The following ZNF33A variants were observed in gnomAD, a reference collection of about 807,000 sequenced individuals.
The protein encoded by ZNF33A is zinc finger protein 33A, also known as brain my041 protein.
Under a neutral mutation model 15.9 loss-of-function variants are expected in ZNF33A, and 9 were observed. That is an observed-to-expected ratio of 0.57 (90% confidence interval 0.34 to 0.99). The LOEUF (loss-of-function observed/expected upper bound fraction) is 0.99, where lower values mean the gene tolerates loss of function less well. Among genes scored for constraint, ZNF33A ranks in the 50% least tolerant of loss-of-function variants. The pLI, the probability that ZNF33A is intolerant of heterozygous loss-of-function variation, is 0.02. For missense variants in ZNF33A, 843 were observed against 941.6 expected (o/e 0.90, Z 1.37); for synonymous variants, 294 against 324.2 (o/e 0.91, Z 1.00).
intron 4 of ZNF33A, among the ~76,000 whole-genome samples, chr10:38,020,513 T>C (rs919844131): frequency 2.1e-4 from 32 of 152,094 alleles, no homozygotes; most frequent in African/African-American, 7.0e-4. Context: ...CCCCACTACC[T>C]TTCCCAGTCT....
At chr10:38,052,166 A>G (rs1165386653) in intron 4 of ZNF33A, among the ~76,000 whole-genome samples, 1 of 152,156 alleles carries the variant, frequency 6.6e-6, no homozygotes, top group Non-Finnish European at 1.5e-5. Flanking sequence ...AAAGAAGTAG[A>G]AATGTCTTTA....
At chr10:38,061,046 T>G (rs1483408850), downstream of ZNF33A, among the ~76,000 whole-genome samples, 1 of 152,170 alleles carries the variant, frequency 6.6e-6, no homozygotes, top group Non-Finnish European at 1.5e-5. Flanking sequence ...AGTGACGAAC[T>G]GATCAGCATT....
At position 38,047,624 on chromosome 10, in the gene ZNF33A, C is replaced by CAAA. The variant is rs554054575; in HGVS notation, c.251-6713_251-6711dup. Among the ~76,000 whole-genome samples, 22 of 75,008 alleles carry CAAA rather than the reference C, an allele frequency of 2.9e-4. 1 individual carries two copies. Among genetic ancestry groups the CAAA allele is most frequent in the Admixed American group, 7.1e-4 (4 of 5,648 alleles). 49.2% of individuals were successfully genotyped at this position (75,008 alleles called of 152,430 possible). A position where few individuals can be genotyped will look rare whatever the true frequency, so the allele number is the denominator to read the frequency against. On this transcript the variant is annotated intron_variant, in intron 4 of 4. Transcript: ENST00000432900. ...CTGGCGATAGAGCAAGACTCTGTCT[C>CAAA]AAAAAAAAAAAAAAAAAAAAAAAAA...
intron 2 of ZNF33A, chr10:38,015,856 A>G (rs1166535639): frequency 6.3e-6 from 3 of 474,336 alleles, no homozygotes; most frequent in South Asian, 2.3e-4. Flanking sequence ...GTTTATGTAA[A>G]TGTTGTTTTG....
intron 3 of ZNF33A, 86 bp from the exon 4 acceptor site, chr10:38,017,205 G>A (rs778090211): frequency 2.4e-5 from 35 of 1,431,816 alleles, no homozygotes; most frequent in East Asian, 1.4e-4. Context: ...CTGGCAACTC[G>A]AAGCAGCCCC....
chr10:38,040,565 C>T (rs1250970968), intron 4 of ZNF33A, among the ~76,000 whole-genome samples: 1 of 151,988 alleles, frequency 6.6e-6, no homozygotes, highest in Non-Finnish European at 1.5e-5. Flanking sequence ...CCCTCTTTAT[C>T]CTTAGTAAAA....
chr10:38,016,119 A>C, intron 2 of ZNF33A: 12 of 796,592 alleles, frequency 1.5e-5, no homozygotes, highest in Non-Finnish European at 1.9e-5. Context: ...TTAAAGGATT[A>C]GAACCCAGAA....
downstream of ZNF33A, among the ~76,000 whole-genome samples, chr10:38,061,442 T>C (rs1175584535): frequency 6.6e-6 from 1 of 152,178 alleles, no homozygotes; most frequent in Non-Finnish European, 1.5e-5. Flanking sequence ...GTAACTCTCC[T>C]GCCCTCCCAA....
downstream of ZNF33A, among the ~76,000 whole-genome samples, chr10:38,067,115 C>G (rs1327590673): frequency 2.0e-5 from 3 of 152,124 alleles, no homozygotes; most frequent in East Asian, 5.8e-4. Flanking sequence ...CCTATATTCT[C>G]TAGAGCATGC....
intron 4 of ZNF33A, among the ~76,000 whole-genome samples, chr10:38,032,049 A>G (rs1000965411): frequency 6.6e-6 from 1 of 152,160 alleles, no homozygotes; most frequent in Non-Finnish European, 1.5e-5. Context: ...TTTCTATATG[A>G]GAGATGCTGG....
intron 4 of ZNF33A, among the ~76,000 whole-genome samples, chr10:38,028,918 C>T (rs769018117): frequency 2.3e-4 from 35 of 152,144 alleles, no homozygotes; most frequent in Non-Finnish European, 3.2e-4. Context: ...TTAATTCCCT[C>T]GTAACTTCAA....
chr10:38,012,252 G>A, intron 1 of ZNF33A, 46 bp from the exon 2 acceptor site: 4 of 1,595,526 alleles, frequency 2.5e-6, no homozygotes, highest in Non-Finnish European at 2.6e-6. Flanking sequence ...GGAGTTGCCA[G>A]GCAGGCCAAA....
Position 38,055,608 on chromosome 10 carries a change from A to G in ZNF33A, c.1484A>G (p.Lys495Arg). ...CATCAGAGAATTCACATAGGAGATAAATCTTATGAATGTAATGCATGTGGG... is the reference window on the plus strand; with the variant it reads ...CATCAGAGAATTCACATAGGAGATAGATCTTATGAATGTAATGCATGTGGG... ...TQHQRIHIGD[K>R]SYECNACGKT... Residue 495 changes from lysine (K) to arginine (R), a missense_variant, in exon 5 of 5, where the codon AAA (lysine) becomes AGA (arginine). Physicochemically the swap from Lys to Arg is conservative, Grantham distance 26. Coordinates refer to ENST00000432900, the MANE Select transcript of ZNF33A (RefSeq NM_006954.2). 1 of 1,614,110 alleles carries G rather than the reference A, an allele frequency of 6.2e-7. No individual in the cohort carries two copies. Among genetic ancestry groups the G allele is most frequent in the Non-Finnish European group, 8.5e-7 (1 of 1,180,002 alleles).
In ZNF33A at chr10:38,056,084, G is replaced by A. The variant is rs202087019; in HGVS notation, c.1960G>A (p.Val654Ile). Residue 654 changes from valine (V) to isoleucine (I), a missense_variant, in exon 5 of 5, where the codon GTA becomes ATA. Coordinates refer to ENST00000432900, the MANE Select transcript of ZNF33A (RefSeq NM_006954.2). ...KAFCHKSALI[V>I]HQRTHTQEKP... ...TTTCTGCCATAAGTCAGCTCTAATT[G>A]TACATCAGAGAACCCATACACAAGA... 6.2e-7 allele frequency: 1 copy of A among 1,613,934 alleles called. No homozygotes were observed. Among genetic ancestry groups the A allele is most frequent in the African/African-American group, 1.3e-5 (1 of 74,956 alleles).
chr10:38,052,314 T>C (rs1358905431), intron 4 of ZNF33A, among the ~76,000 whole-genome samples: 3 of 152,202 alleles, frequency 2.0e-5, no homozygotes, highest in Non-Finnish European at 4.4e-5. Context: ...TTTACTTCTA[T>C]ATATTAGCAA....
Position 38,057,658 on chromosome 10 carries a change from A to C in ZNF33A, c.*1098A>C. On this transcript the variant is annotated 3_prime_UTR_variant, in exon 5 of 5. Coordinates refer to ENST00000432900, the MANE Select transcript of ZNF33A (RefSeq NM_006954.2). Reference sequence around the variant, plus strand: ...TATCTAAAAAAAATCTATCCTGTACATGTGAAGATCTAGGCTCGCCTCCAT... The same window carrying C: ...TATCTAAAAAAAATCTATCCTGTACCTGTGAAGATCTAGGCTCGCCTCCAT... The C allele has an allele frequency of 1.0e-6, 1 of 985,468 alleles. No individual in the cohort carries two copies. The highest frequency in any genetic ancestry group is 1.2e-6 in the Non-Finnish European group (1 of 829,938). The allele number at this position is 985,468 out of a possible 1,614,324, so 61.0% of individuals were successfully genotyped here.
chr10:38,019,930 G>A (rs933801448), intron 4 of ZNF33A, among the ~76,000 whole-genome samples: 2 of 152,172 alleles, frequency 1.3e-5, no homozygotes, highest in African/African-American at 4.8e-5. Flanking sequence ...GGAGAGTAAA[G>A]GGGCCTAAGT....
At chr10:38,028,012 G>A (rs1424607412) in intron 4 of ZNF33A, among the ~76,000 whole-genome samples, 1 of 152,112 alleles carries the variant, frequency 6.6e-6, no homozygotes, top group African/African-American at 2.4e-5. Context: ...AAGCTGGGTG[G>A]TTCACACCTG....
At chr10:38,063,665 C>T (rs1433948562), downstream of ZNF33A, among the ~76,000 whole-genome samples, 5 of 152,138 alleles carry the variant, frequency 3.3e-5, no homozygotes, top group Non-Finnish European at 7.3e-5. Flanking sequence ...ACTTCTAGTT[C>T]CCATCTCCTC....
Sources: gnomAD v4.1 joint callset for allele counts (sites outside exome capture counted in the v4.1 genomes callset) on GRCh38, gnomAD v4.1.1 for gene constraint, MANE v1.5 for transcripts, NCBI Gene and HGNC (gene_info 2026-07-23, HGNC 2026-07-21) for gene names.